Variants in TRIP12 observed in about 807,000 individuals in gnomAD.
TRIP12 encodes the protein thyroid hormone receptor interactor 12, also known as E3 ubiquitin-protein ligase TRIP12.
TRIP12 carries 25 observed loss-of-function variants against 244.2 expected under a neutral mutation model. That is an observed-to-expected ratio of 0.10 (90% CI 0.07 to 0.14). The LOEUF (loss-of-function observed/expected upper bound fraction) is 0.14, where lower values mean the gene tolerates loss of function less well. Ranked by LOEUF, TRIP12 falls within the 10% of genes least tolerant of loss-of-function variation. The pLI, the probability that TRIP12 is intolerant of heterozygous loss-of-function variation, is 1.00. For synonymous variants in TRIP12, 905 were observed against 873.1 expected (o/e 1.04, Z -0.64); for missense variants, 1,677 against 2,486.4 (o/e 0.67, Z 6.92).
chr2:229,801,542 G>A (rs757460295), intron 21 of TRIP12, among the ~76,000 whole-genome samples: 5 of 152,152 alleles, frequency 3.3e-5, no homozygotes, highest in Non-Finnish European at 7.3e-5. Flanking sequence ...TTTCAGAACT[G>A]AATTTGGTTC....
At chr2:229,829,873 C>A (rs763796019) in intron 7 of TRIP12, among the ~76,000 whole-genome samples, 1 of 152,092 alleles carries the variant, frequency 6.6e-6, no homozygotes, top group Non-Finnish European at 1.5e-5. Flanking sequence ...CATTTGAACA[C>A]GGGAGGTGGA....
intron 6 of TRIP12, among the ~76,000 whole-genome samples, chr2:229,834,937 T>C (rs1244370319): frequency 6.6e-5 from 10 of 152,314 alleles, no homozygotes; most frequent in Admixed American, 3.9e-4. Context: ...TGGAGTCTTA[T>C]ATCGACTATA....
At chr2:229,848,931 G>A (rs2058106219) in intron 4 of TRIP12, among the ~76,000 whole-genome samples, 1 of 152,142 alleles carries the variant, frequency 6.6e-6, no homozygotes, top group Non-Finnish European at 1.5e-5. Context: ...AAAATAAATT[G>A]TAAATTATTA....
At chr2:229,847,375 T>C (rs1293010721) in intron 4 of TRIP12, among the ~76,000 whole-genome samples, 1 of 152,220 alleles carries the variant, frequency 6.6e-6, no homozygotes, top group African/African-American at 2.4e-5. Flanking sequence ...CCCACTGTCA[T>C]GTACAGCGAG....
rs1246878361 is a variant in TRIP12 at position 229,858,861 on chromosome 2, CTAACTT to C, written c.932_937del (p.Lys311_Val312del). The stretch of plus-strand genomic sequence containing the variant: ...AAGAGACAGTTTTGTTTTAGGAAGG[CTAACTT>C]TAGGGCTGAAACGAGCAGCCCAATC... On this transcript the variant is annotated inframe_deletion, in exon 4 of 42. Transcript: ENST00000675903. The C allele has an allele frequency of 3.1e-6, 5 of 1,614,212 alleles. No homozygotes were observed. The highest frequency in any genetic ancestry group is 4.2e-6 in the Non-Finnish European group (5 of 1,180,034).
At chr2:229,864,037 AGAGAGAGAGAGTGTGTGTGTGTGTGT>A (rs1302583815) in intron 2 of TRIP12, among the ~76,000 whole-genome samples, 4 of 85,802 alleles carry the variant, frequency 4.7e-5, no homozygotes, top group African/African-American at 1.5e-4. Flanking sequence ...AGAGAGAGAG[AGAGAGAGAGAGTGTGTGTGTGTGTGT>A]GTGTGTGTGT....
Position 229,807,953 on chromosome 2 carries a change from A to G in TRIP12, c.2340-89T>C, listed in dbSNP as rs886776322. ...AAAGAAAAATAATCTCACACAAACCAAAAGTTGTATTTAGACCAATTTTTT... is the reference window on the plus strand; with the variant it reads ...AAAGAAAAATAATCTCACACAAACCGAAAGTTGTATTTAGACCAATTTTTT... On this transcript the variant is annotated intron_variant, in intron 16 of 41. Transcript: ENST00000675903. 6.4e-6 allele frequency: 9 copies of G among 1,399,444 alleles called. No homozygotes were observed. The East Asian group carries it at 1.5e-4, about 23-fold the overall frequency. 86.7% of individuals were successfully genotyped at this position (1,399,444 alleles called of 1,614,324 possible).
At chr2:229,874,587 C>T (rs1453521111) in intron 2 of TRIP12, among the ~76,000 whole-genome samples, 2 of 151,796 alleles carry the variant, frequency 1.3e-5, no homozygotes, top group African/African-American at 4.8e-5. Flanking sequence ...AAGAATGTTA[C>T]AGAATTCCAG....
At chr2:229,867,369 T>A (rs1024591805) in intron 2 of TRIP12, among the ~76,000 whole-genome samples, 4 of 152,046 alleles carry the variant, frequency 2.6e-5, no homozygotes, top group Non-Finnish European at 5.9e-5. Flanking sequence ...TTTCACTATG[T>A]TGGCCAGGCT....
intron 4 of TRIP12, among the ~76,000 whole-genome samples, chr2:229,841,624 G>A (rs1448757599): frequency 6.6e-6 from 1 of 152,110 alleles, no homozygotes; most frequent in African/African-American, 2.4e-5. Flanking sequence ...CCCTCACAGT[G>A]TTACCACAAA....
At chr2:229,875,418 C>T (rs953679678) in intron 2 of TRIP12, among the ~76,000 whole-genome samples, 2 of 152,060 alleles carry the variant, frequency 1.3e-5, no homozygotes, top group Non-Finnish European at 2.9e-5. Context: ...AAAATGAATC[C>T]TAGCACAAAT....
In TRIP12 at chr2:229,858,774, G is replaced by T; in HGVS notation, c.1025C>A (p.Ala342Glu). Residue 342 changes from alanine (A) to glutamate (E), a missense_variant and splice_region_variant, in exon 4 of 42, where the codon GCA becomes GAA. Transcript: ENST00000675903. ...AAAATACCTTTTTGTAAACTTACTT[G>T]CTAATTTGGCCTGTAATCCAGAAGG... ...PGPSGLQAKL[A>E]SLRKSTKKRS... The T allele has an allele frequency of 6.4e-7, 1 of 1,556,492 alleles. No homozygotes were observed.
intron 5 of TRIP12, among the ~76,000 whole-genome samples, chr2:229,839,443 C>T (rs184156124): frequency 0.014 from 2,126 of 152,012 alleles, 27 homozygotes; most frequent in Non-Finnish European, 0.022. Context: ...TTTGGGAGGC[C>T]GAGGCAGGTG....
At chr2:229,788,651 T>A in intron 32 of TRIP12, 147 bp downstream of exon 32, 1 of 1,104,562 alleles carries the variant, frequency 9.1e-7, no homozygotes, top group Non-Finnish European at 1.3e-6. Flanking sequence ...GTTTACATGC[T>A]AAAGCCACAC....
chr2:229,862,576 A>G (rs2060647332), intron 2 of TRIP12, among the ~76,000 whole-genome samples: 1 of 152,172 alleles, frequency 6.6e-6, no homozygotes, highest in Non-Finnish European at 1.5e-5. Flanking sequence ...TAATTAAACA[A>G]CTCATTCTGA....
upstream of TRIP12, chr2:229,922,422 GT>G (rs1191287252): frequency 8.3e-6 from 10 of 1,204,172 alleles, no homozygotes; most frequent in East Asian, 2.1e-4. Flanking sequence ...GCTCATAAGC[GT>G]GGTTCAATTT....
At position 229,815,292 on chromosome 2, in the gene TRIP12, A is replaced by G; in HGVS notation, c.1616T>C (p.Met539Thr). The stretch of plus-strand genomic sequence containing the variant: ...ACTTACAATATCAAAATTGTGCTCC[A>G]TCTGAAGTAACGTAATCTGTTAAAA... ...VVPALITLLQ[M>T]EHNFDIMNHA... Residue 539 changes from methionine to threonine, a missense_variant, in exon 10 of 42, where the codon ATG (methionine) becomes ACG (threonine). Physicochemically the swap from Met to Thr is moderately conservative, Grantham distance 81. Transcript: ENST00000675903. The G allele has an allele frequency of 6.9e-7, 1 of 1,456,240 alleles. No individual in the cohort carries two copies. The highest frequency in any genetic ancestry group is 9.6e-7 in the Non-Finnish European group (1 of 1,045,284). The allele number at this position is 1,456,240 out of a possible 1,614,324, so 90.2% of individuals were successfully genotyped here.
At chr2:229,842,658 T>C (rs1286487549) in intron 4 of TRIP12, among the ~76,000 whole-genome samples, 1 of 151,958 alleles carries the variant, frequency 6.6e-6, no homozygotes, top group African/African-American at 2.4e-5. Flanking sequence ...ACACAGTACT[T>C]CATTCATGAA....
At chr2:229,922,189 A>C (rs1577305362), upstream of TRIP12, 1 of 235,108 alleles carries the variant, frequency 4.3e-6, no homozygotes. Context: ...CGACTCTCTC[A>C]GCAGCCTCCG....
Sources: allele counts gnomAD v4.1 joint callset (sites outside exome capture counted in the v4.1 genomes callset), GRCh38; gene constraint gnomAD v4.1.1; transcripts MANE v1.5; gene names NCBI Gene and HGNC (gene_info 2026-07-23, HGNC 2026-07-21).